The following CDK4 variants were observed in gnomAD, a reference collection of about 807,000 sequenced individuals.
CDK4 encodes the protein cyclin-dependent kinase 4.
A neutral mutation model predicts 36.7 loss-of-function variants in CDK4; 13 were observed. The ratio of observed to expected loss-of-function variants is 0.35; its 90% CI spans 0.23 to 0.56. The LOEUF (loss-of-function observed/expected upper bound fraction) is 0.56, where lower values mean the gene tolerates loss of function less well. Ranked by LOEUF, CDK4 falls within the 20% of genes least tolerant of loss-of-function variation. The pLI is 0.85. For synonymous variants in CDK4, 158 were observed against 146.4 expected, an observed-to-expected ratio of 1.08 and a Z score of -0.57; for missense variants, 285 against 387.3, an observed-to-expected ratio of 0.74 and a Z score of 2.22.
In CDK4 at chr12:57,751,774, A is replaced by T. The variant is rs971312543; in HGVS notation, c.-19-38T>A. 2.1e-5 allele frequency: 32 copies of T among 1,520,492 alleles called. No individual in the cohort carries two copies. The highest frequency in any genetic ancestry group is 2.8e-5 in the Non-Finnish European group (31 of 1,099,764). The allele number at this position is 1,520,492 out of a possible 1,614,324, so 94.2% of individuals were successfully genotyped here. A position where few individuals can be genotyped will look rare whatever the true frequency, so the allele number is the denominator to read the frequency against. ...ACTCCTATCACCAAAAGTCGCTTAC[A>T]GAGTTAGGATGGTATGAGCCTGCAG... is the stretch of plus-strand genomic sequence containing the variant. On this transcript the variant is annotated intron_variant, in intron 1 of 7. Transcript: ENST00000257904. The surrounding 1 kb of genome is among the most constrained non-coding windows in gnomAD (Gnocchi z 4.5).
At position 57,749,071 on chromosome 12, in the gene CDK4, C is replaced by A. The variant is rs2069506; in HGVS notation, c.819+111G>T. 445,526 of 1,346,344 alleles carry A rather than the reference C, an allele frequency of 0.33. 81,582 individuals carry two copies. The highest frequency in any genetic ancestry group is 0.7 in the East Asian group (30,593 of 43,632). 83.4% of individuals were successfully genotyped at this position (1,346,344 alleles called of 1,614,324 possible). ...TTTGCAGCTGTAATAAAAACTACAG[C>A]CCATCTACCAACCAAGTTTCATTAA... is the stretch of plus-strand genomic sequence containing the variant. On this transcript the variant is annotated intron_variant, in intron 7 of 7. Transcript: ENST00000257904.
chr12:57,751,030 G>C lies in CDK4; in HGVS notation c.415C>G (p.Arg139Gly), dbSNP rs753579957. 1.2e-6 allele frequency: 2 copies of C among 1,614,160 alleles called. No homozygotes were observed. Among genetic ancestry groups the C allele is most frequent in the Admixed American group, 3.3e-5 (2 of 60,020 alleles). Reference protein sequence around the residue: ...DFLHANCIVHRDLKPENILVT... With the variant: ...DFLHANCIVHGDLKPENILVT... ...AGAATGTTCTCTGGCTTCAGATCTC[G>C]GTGAACGATGCAATTGGCATGAAGG... Residue 139 changes from arginine (R) to glycine (G), a missense_variant, in exon 4 of 8, where the codon CGA becomes GGA. Coordinates refer to ENST00000257904, the MANE Select transcript of CDK4 (RefSeq NM_000075.4). The surrounding 1 kb of genome is among the most constrained non-coding windows in gnomAD (Gnocchi z 4.5).
rs1595111495 is a variant in CDK4 at position 57,751,979 on chromosome 12, A to G, written c.-20+196T>C. The G allele has an allele frequency of 5.5e-6, 3 of 544,950 alleles. No individual in the cohort carries two copies. In the East Asian group the frequency reaches 9.5e-5, roughly 17 times the overall value. 33.8% of individuals were successfully genotyped at this position (544,950 alleles called of 1,614,324 possible). A position where few individuals can be genotyped will look rare whatever the true frequency, so the allele number is the denominator to read the frequency against. ...CCTTTGGGACAATCGCGCCCCGCACAAAGATCACACATGACACATGCCTTG... is the reference window on the plus strand; with the variant it reads ...CCTTTGGGACAATCGCGCCCCGCACGAAGATCACACATGACACATGCCTTG... On this transcript the variant is annotated intron_variant, in intron 1 of 7. Coordinates refer to ENST00000257904, the MANE Select transcript of CDK4 (RefSeq NM_000075.4). This position sits in a 1 kb window ranked among gnomAD's most constrained non-coding sequence, Gnocchi z 4.5.
rs1222529576 is a variant in CDK4 at position 57,750,954 on chromosome 12, A to C, written c.491T>G (p.Ile164Ser). Residue 164 changes from isoleucine (I) to serine (S), a missense_variant, in exon 4 of 8, where the codon ATC becomes AGC. Transcript: ENST00000257904. Reference protein sequence around the residue: ...VKLADFGLARIYSYQMALTPV... With the variant: ...VKLADFGLARSYSYQMALTPV... ...TGTAAGTGCCATCTGGTAGCTGTAG[A>C]TTCTGGCCAGGCCAAAGTCAGCCAG... The C allele has an allele frequency of 1.2e-6, 2 of 1,614,178 alleles. No individual in the cohort carries two copies. Among genetic ancestry groups the C allele is most frequent in the Non-Finnish European group, 1.7e-6 (2 of 1,180,028 alleles).
At chr12:57,749,049 G>T (rs1955196629) in intron 7 of CDK4, 133 bp downstream of exon 7, 1 of 1,151,556 alleles carries the variant, frequency 8.7e-7, no homozygotes, top group Non-Finnish European at 1.3e-6. Context: ...GTGGCTATTT[G>T]CAGCTGTAAT....
rs2140386904 is a variant in CDK4, at chr12:57,751,123, A to G, written c.355-33T>C. ...CAAAGGGGAGGTACAGATGCACTGG[A>G]AACTAGGCACCATACCTGAAATCCC... On this transcript the variant is annotated intron_variant, in intron 3 of 7. Coordinates refer to ENST00000257904, the MANE Select transcript of CDK4 (RefSeq NM_000075.4). The surrounding 1 kb of genome is among the most constrained non-coding windows in gnomAD (Gnocchi z 4.5). The G allele has an allele frequency of 6.2e-7, 1 of 1,614,162 alleles. No individual in the cohort carries two copies. The highest frequency in any genetic ancestry group is 8.5e-7 in the Non-Finnish European group (1 of 1,180,006).
At position 57,750,983 on chromosome 12, in the gene CDK4, G is replaced by A. The variant is rs1190412756; in HGVS notation, c.462C>T (p.Val154=). The A allele has an allele frequency of 6.2e-7, 1 of 1,614,152 alleles. No individual in the cohort carries two copies. The highest frequency in any genetic ancestry group is 1.7e-5 in the Admixed American group (1 of 60,020). ...ENILVTSGGT[V]KLADFGLARI... is the part of the protein sequence containing the mutation. ...TGGCCAGGCCAAAGTCAGCCAGCTT[G>A]ACTGTTCCACCACTTGTCACCAGAA... Residue 154 remains valine, a synonymous_variant, in exon 4 of 8, where the codon GTC becomes GTT. Coordinates refer to ENST00000257904, the MANE Select transcript of CDK4 (RefSeq NM_000075.4).
intron 4 of CDK4, 71 bp from the exon 5 acceptor site, chr12:57,750,836 C>G (rs1270509889): frequency 6.3e-7 from 1 of 1,590,848 alleles, no homozygotes; most frequent in Non-Finnish European, 8.6e-7. Flanking sequence ...TGACTGAACA[C>G]ATGAAGCACA....
At chr12:57,750,819 A>G (rs2140386040) in intron 4 of CDK4, 54 bp from the exon 5 acceptor site, 1 of 1,592,404 alleles carries the variant, frequency 6.3e-7, no homozygotes, top group Non-Finnish European at 8.6e-7. Flanking sequence ...ATGAAACACA[A>G]CTTGCTTGAC....
chr12:57,750,889 C>T (rs372869553), intron 4 of CDK4, 34 bp downstream of exon 4: 1 of 1,613,772 alleles, frequency 6.2e-7, no homozygotes, highest in African/African-American at 1.3e-5. Flanking sequence ...CTACTCCCAA[C>T]CAGAACCCAT....
intron 5 of CDK4, 186 bp downstream of exon 5, chr12:57,750,470 G>C (rs1376328389): frequency 1.6e-6 from 1 of 636,178 alleles, no homozygotes; most frequent in Non-Finnish European, 2.9e-6. Flanking sequence ...GGGAAGCTGA[G>C]ATGGGAGGAT....
At chr12:57,750,189 A>G (rs1180046458) in intron 5 of CDK4, 1 of 138,906 alleles carries the variant, frequency 7.2e-6, no homozygotes, top group African/African-American at 2.7e-5. Flanking sequence ...ATAAATAAAT[A>G]AATAAATAAA....
chr12:57,751,791 A>G lies in CDK4; in HGVS notation c.-19-55T>C. The stretch of plus-strand genomic sequence containing the variant: ...TCGCTTACAGAGTTAGGATGGTATG[A>G]GCCTGCAGCAACAAAGGGACTCCCA... On this transcript the variant is annotated intron_variant, in intron 1 of 7. Transcript: ENST00000257904. This position sits in a 1 kb window ranked among gnomAD's most constrained non-coding sequence, Gnocchi z 4.5. 1 of 1,315,934 alleles carries G rather than the reference A, an allele frequency of 7.6e-7. No homozygotes were observed. Among genetic ancestry groups the G allele is most frequent in the Non-Finnish European group, 1.1e-6 (1 of 922,212 alleles). The allele number at this position is 1,315,934 out of a possible 1,614,324, so 81.5% of individuals were successfully genotyped here.
In CDK4 at chr12:57,751,238, GGTGCCTTGTCCAGATAT is replaced by G. The variant is rs1955233713; in HGVS notation, c.306_322del (p.Tyr103ProfsTer50). 6.2e-7 allele frequency: 1 copy of G among 1,614,042 alleles called. No individual in the cohort carries two copies. On this transcript the variant is annotated frameshift_variant, in exon 3 of 8. Transcript: ENST00000257904. LOFTEE classifies it high-confidence loss of function. The surrounding 1 kb of genome is among the most constrained non-coding windows in gnomAD (Gnocchi z 4.5). The stretch of plus-strand genomic sequence containing the variant: ...CGTTTCGGCTGGCAAGCCTGGTGGG[GGTGCCTTGTCCAGATAT>G]GTCCTTAGGTCCTGGTCTACATGCT...
Position 57,751,911 on chromosome 12 carries a change from A to G in CDK4, c.-19-175T>C. ...GAGATAACACAATGACTCAATACCA[A>G]CCCCTCCAGCCACGTGAGGCCCTGC... On this transcript the variant is annotated intron_variant, in intron 1 of 7. Coordinates refer to ENST00000257904, the MANE Select transcript of CDK4 (RefSeq NM_000075.4). The surrounding 1 kb of genome is among the most constrained non-coding windows in gnomAD (Gnocchi z 4.5). 2 of 615,786 alleles carry G rather than the reference A, an allele frequency of 3.2e-6. No homozygotes were observed. Among genetic ancestry groups the G allele is most frequent in the South Asian group, 3.8e-5 (2 of 53,060 alleles). 38.1% of individuals were successfully genotyped at this position (615,786 alleles called of 1,614,324 possible).
intron 7 of CDK4, 86 bp from the exon 8 acceptor site, chr12:57,748,703 TTTTTC>T (rs746522339): frequency 4.6e-5 from 42 of 906,642 alleles, no homozygotes; most frequent in Middle Eastern, 2.5e-4. Context: ...GCTTTCTTCT[TTTTTC>T]TTTTTTTTTT....
intron 5 of CDK4, chr12:57,750,076 C>T (rs929903290): frequency 2.6e-5 from 4 of 156,856 alleles, no homozygotes; most frequent in African/African-American, 7.3e-5. Flanking sequence ...ATTGCTTTAG[C>T]CCAGGAGGTA....
At chr12:57,748,694 C>T (rs771131271) in intron 7 of CDK4, 77 bp from the exon 8 acceptor site, 19 of 935,692 alleles carry the variant, frequency 2.0e-5, no homozygotes, top group Non-Finnish European at 2.6e-5. Flanking sequence ...CTGGGATGAG[C>T]TTTCTTCTTT....
Position 57,751,890 on chromosome 12 carries a change from T to C in CDK4, c.-19-154A>G, listed in dbSNP as rs1955242253. 5 of 660,384 alleles carry C rather than the reference T, an allele frequency of 7.6e-6. No homozygotes were observed. The highest frequency in any genetic ancestry group is 1.3e-5 in the Non-Finnish European group (5 of 372,462). 40.9% of individuals were successfully genotyped at this position (660,384 alleles called of 1,614,324 possible). A position where few individuals can be genotyped will look rare whatever the true frequency, so the allele number is the denominator to read the frequency against. ...TCTTCCTTGGGGCCGGCCCCAGAGATAACACAATGACTCAATACCAACCCC... is the reference window on the plus strand; with the variant it reads ...TCTTCCTTGGGGCCGGCCCCAGAGACAACACAATGACTCAATACCAACCCC... On this transcript the variant is annotated intron_variant, in intron 1 of 7. Coordinates refer to ENST00000257904, the MANE Select transcript of CDK4 (RefSeq NM_000075.4). This position sits in a 1 kb window ranked among gnomAD's most constrained non-coding sequence, Gnocchi z 4.5.
Sources: allele counts gnomAD v4.1 joint callset, GRCh38; gene constraint gnomAD v4.1.1; non-coding constraint Gnocchi (gnomAD v3.1); transcripts MANE v1.5; gene names NCBI Gene and HGNC (gene_info 2026-07-23, HGNC 2026-07-21).